Variants in CTNNA3 observed in about 807,000 individuals in gnomAD.
The protein encoded by CTNNA3 is catenin alpha-3.
In CTNNA3, 76 loss-of-function variants were observed where a neutral mutation model predicts 95.7. That is an observed-to-expected ratio of 0.79 (90% confidence interval 0.66 to 0.96). The LOEUF (loss-of-function observed/expected upper bound fraction) is 0.96. Among genes scored for constraint, CTNNA3 ranks in the 40% least tolerant of loss-of-function variants. The pLI, the probability that CTNNA3 is intolerant of heterozygous loss-of-function variation, is 0.00. For synonymous variants in CTNNA3, 431 were observed against 374.4 expected (o/e 1.15, Z -1.74); for missense variants, 1,191 against 1,089.8 (o/e 1.09, Z -1.31).
At chr10:66,604,491 G>A (rs773287474) in intron 10 of CTNNA3, among the ~76,000 whole-genome samples, 3 of 152,068 alleles carry the variant, frequency 2.0e-5, no homozygotes, top group Admixed American at 6.5e-5. Flanking sequence ...TGACATACGC[G>A]GATGAAGACA....
intron 7 of CTNNA3, among the ~76,000 whole-genome samples, chr10:66,881,744 G>A (rs1844860192): frequency 6.6e-6 from 1 of 151,984 alleles, no homozygotes; most frequent in South Asian, 2.1e-4. Flanking sequence ...GATTAAAAGA[G>A]CAATCTGTGA....
intron 12 of CTNNA3, among the ~76,000 whole-genome samples, chr10:66,342,983 T>C (rs1173136652): frequency 6.6e-6 from 1 of 152,100 alleles, no homozygotes; most frequent in Non-Finnish European, 1.5e-5. Context: ...AGGTCACCAT[T>C]TCACATATAT....
At chr10:65,941,874 G>T (rs1202114276) in intron 17 of CTNNA3, among the ~76,000 whole-genome samples, 2 of 152,100 alleles carry the variant, frequency 1.3e-5, no homozygotes, top group African/African-American at 4.8e-5. Flanking sequence ...TGGGGTAAAA[G>T]CAGCATTTTG....
intron 17 of CTNNA3, among the ~76,000 whole-genome samples, chr10:65,930,707 C>T (rs895250174): frequency 6.6e-6 from 1 of 151,984 alleles, no homozygotes; most frequent in Non-Finnish European, 1.5e-5. Flanking sequence ...AATGTTTGTA[C>T]AAAATCAACA....
intron 1 of CTNNA3, among the ~76,000 whole-genome samples, chr10:67,726,452 AT>A (rs1841222282): frequency 1.7e-5 from 1 of 59,372 alleles, no homozygotes; most frequent in Non-Finnish European, 2.8e-5. Context: ...ATATAATATT[AT>A]ATATGATATA....
chr10:66,585,352 T>A (rs1843326394), intron 10 of CTNNA3, among the ~76,000 whole-genome samples: 1 of 152,074 alleles, frequency 6.6e-6, no homozygotes, highest in African/African-American at 2.4e-5. Context: ...TTTTATATAA[T>A]CCACATATTT....
chr10:67,583,198 G>A (rs979713640), intron 3 of CTNNA3, among the ~76,000 whole-genome samples: 27 of 152,126 alleles, frequency 1.8e-4, no homozygotes, highest in Admixed American at 1.4e-3. Context: ...GGCTGGTACC[G>A]GTTGTTCCTT....
Position 66,638,671 on chromosome 10 carries a change from G to A in CTNNA3, c.1282-16887C>T, listed in dbSNP as rs74869541. 3.9e-3 allele frequency among the ~76,000 whole-genome samples: 597 copies of A among 152,128 alleles called. 8 individuals are homozygous for A. Among genetic ancestry groups the A allele is most frequent in the African/African-American group, 0.013 (554 of 41,504 alleles). ...CTTCCCTTCTCTGAAACTGAATTCA[G>A]TCTCTACATAATCAATGTACTGCTG... is the stretch of plus-strand genomic sequence containing the variant. On this transcript the variant is annotated intron_variant, in intron 9 of 17. Coordinates refer to ENST00000433211, the MANE Select transcript of CTNNA3 (RefSeq NM_013266.4).
intron 10 of CTNNA3, among the ~76,000 whole-genome samples, chr10:66,549,276 G>A (rs1262449527): frequency 2.0e-5 from 3 of 152,110 alleles, no homozygotes; most frequent in Non-Finnish European, 2.9e-5. Flanking sequence ...GATTACAGGC[G>A]TGAGCCACCA....
chr10:67,503,742 T>A lies in CTNNA3; in HGVS notation c.579+18100A>T, dbSNP rs1001252983. Among the ~76,000 whole-genome samples, 3 of 152,192 alleles carry A rather than the reference T, an allele frequency of 2.0e-5. No homozygotes were observed. In the East Asian group the frequency reaches 5.8e-4, roughly 29 times the overall value. ...CCAACATTCTTAGATATTCTCAACT[T>A]TAGTCTTCTCTCAAATTGATCCCCT... On this transcript the variant is annotated intron_variant, in intron 5 of 17. Transcript: ENST00000433211.
chr10:66,132,171 T>C (rs545829139), intron 13 of CTNNA3, among the ~76,000 whole-genome samples: 34 of 152,272 alleles, frequency 2.2e-4, no homozygotes, highest in African/African-American at 8.2e-4. Context: ...GACAAAAGTC[T>C]AATAGTCAGC....
intron 7 of CTNNA3, among the ~76,000 whole-genome samples, chr10:66,845,703 C>CAAAAAAAA (rs61085873): frequency 1.1e-3 from 26 of 23,540 alleles, no homozygotes; most frequent in South Asian, 1.9e-3. Flanking sequence ...AACTCTGTCT[C>CAAAAAAAA]AAAAAAAAAA....
intron 5 of CTNNA3, among the ~76,000 whole-genome samples, chr10:67,223,582 G>C (rs1230016878): frequency 1.3e-5 from 2 of 152,188 alleles, no homozygotes; most frequent in South Asian, 2.1e-4. Flanking sequence ...GATTTAAAAA[G>C]ACCTTAAAGT....
chr10:66,175,151 T>C (rs961851599), intron 13 of CTNNA3, among the ~76,000 whole-genome samples: 1 of 151,944 alleles, frequency 6.6e-6, no homozygotes, highest in African/African-American at 2.4e-5. Context: ...AACTGCTATG[T>C]CGGCCCCACA....
At chr10:66,494,720 A>C (rs1477159670) in intron 11 of CTNNA3, among the ~76,000 whole-genome samples, 2 of 152,188 alleles carry the variant, frequency 1.3e-5, no homozygotes, top group East Asian at 3.9e-4. Flanking sequence ...AAAGGGATCA[A>C]GCCATTTATT....
intron 1 of CTNNA3, among the ~76,000 whole-genome samples, chr10:67,716,912 G>A (rs528227393): frequency 5.9e-5 from 9 of 152,130 alleles, no homozygotes; most frequent in Non-Finnish European, 1.2e-4. Flanking sequence ...CTTCCACAAT[G>A]GTTGAACTAA....
intron 12 of CTNNA3, among the ~76,000 whole-genome samples, chr10:66,366,188 C>T (rs180936100): frequency 7.8e-4 from 119 of 152,256 alleles, no homozygotes; most frequent in African/African-American, 2.8e-3. Flanking sequence ...GCAGCTCACA[C>T]TGTTGCAGGA....
chr10:67,373,798 G>T (rs1843580882), intron 5 of CTNNA3, among the ~76,000 whole-genome samples: 1 of 152,144 alleles, frequency 6.6e-6, no homozygotes, highest in Non-Finnish European at 1.5e-5. Flanking sequence ...ACATAATTTT[G>T]ATTACCCTGA....
intron 7 of CTNNA3, among the ~76,000 whole-genome samples, chr10:67,030,999 C>G (rs530714156): frequency 6.6e-6 from 1 of 151,796 alleles, no homozygotes; most frequent in Non-Finnish European, 1.5e-5. Context: ...AGCGAAACTC[C>G]GTCTCAAAAA....
Sources: gnomAD v4.1 joint callset for allele counts (sites outside exome capture counted in the v4.1 genomes callset) on GRCh38, gnomAD v4.1.1 for gene constraint, MANE v1.5 for transcripts, NCBI Gene and HGNC (gene_info 2026-07-23, HGNC 2026-07-21) for gene names.